The following TAFA1 variants were observed in gnomAD, a reference collection of about 807,000 sequenced individuals.
The protein encoded by TAFA1 is chemokine-like protein TAFA-1.
Under a neutral mutation model 18.5 loss-of-function variants are expected in TAFA1, and 4 were observed. That is an observed-to-expected ratio of 0.22 (90% CI 0.11 to 0.49). The LOEUF is 0.49. TAFA1 is among the 20% of genes least tolerant of loss of function. TAFA1 has a pLI of 0.98. For missense variants in TAFA1, 147 were observed against 169.0 expected, an observed-to-expected ratio of 0.87 and a Z score of 0.72; for synonymous variants, 56 against 55.2, an observed-to-expected ratio of 1.01 and a Z score of -0.06.
intron 2 of TAFA1, among the ~76,000 whole-genome samples, chr3:68,274,897 T>C (rs559227485): frequency 2.2e-4 from 34 of 152,284 alleles, no homozygotes; most frequent in South Asian, 2.1e-3. Flanking sequence ...CAAAGGACAT[T>C]ATTTTCGTCA....
At chr3:68,369,574 C>G (rs570035325) in intron 2 of TAFA1, among the ~76,000 whole-genome samples, 2 of 152,174 alleles carry the variant, frequency 1.3e-5, no homozygotes, top group African/African-American at 2.4e-5. Context: ...AGTCACAGTT[C>G]AAAGATGATA....
rs79190409 is a variant in TAFA1 at position 68,024,860 on chromosome 3, A to G, written c.118+18116A>G. ...TTATACATTGTTAAGGTATTTAACA[A>G]TCATATTTCGGAAATAAAGAGTTGG... On this transcript the variant is annotated intron_variant, in intron 2 of 4. Transcript: ENST00000478136. 7.8e-3 allele frequency among the ~76,000 whole-genome samples: 1,163 copies of G among 150,040 alleles called. 16 individuals are homozygous for G. The highest frequency in any genetic ancestry group is 0.026 in the African/African-American group (1,076 of 40,964).
chr3:68,335,331 AT>A (rs1310643332), intron 2 of TAFA1, among the ~76,000 whole-genome samples: 1 of 152,196 alleles, frequency 6.6e-6, no homozygotes, highest in Non-Finnish European at 1.5e-5. Flanking sequence ...TATCATGTCT[AT>A]TATTTAGTTA....
At chr3:68,082,158 C>T (rs1264752124) in intron 2 of TAFA1, among the ~76,000 whole-genome samples, 1 of 143,466 alleles carries the variant, frequency 7.0e-6, no homozygotes, top group Non-Finnish European at 1.5e-5. Flanking sequence ...GGCAGTGCCT[C>T]ACCCTGCTTC....
chr3:68,483,083 G>T (rs112542655), intron 3 of TAFA1, among the ~76,000 whole-genome samples: 2 of 152,238 alleles, frequency 1.3e-5, no homozygotes, highest in Admixed American at 1.3e-4. Context: ...AAATAAAAAG[G>T]CATGCCCTTG....
At chr3:68,303,197 A>G (rs2068337801) in intron 2 of TAFA1, among the ~76,000 whole-genome samples, 1 of 152,212 alleles carries the variant, frequency 6.6e-6, no homozygotes, top group Non-Finnish European at 1.5e-5. Flanking sequence ...CCAGATTTCC[A>G]TGTTACCCTG....
intron 2 of TAFA1, among the ~76,000 whole-genome samples, chr3:68,238,421 A>G (rs1250024586): frequency 6.6e-6 from 1 of 152,228 alleles, no homozygotes; most frequent in Non-Finnish European, 1.5e-5. Flanking sequence ...CGGCAATGTG[A>G]TGCCAGATGT....
chr3:68,019,176 G>A (rs991880729), intron 2 of TAFA1, among the ~76,000 whole-genome samples: 1 of 152,130 alleles, frequency 6.6e-6, no homozygotes, highest in Admixed American at 6.5e-5. Flanking sequence ...TCTGTTTCTT[G>A]GGCAGTTAGC....
intron 2 of TAFA1, among the ~76,000 whole-genome samples, chr3:68,256,976 T>C (rs992362386): frequency 5.9e-5 from 9 of 152,124 alleles, no homozygotes; most frequent in Admixed American, 3.3e-4. Flanking sequence ...ACACTTGGCA[T>C]CACTCATTAG....
At chr3:68,468,617 G>A (rs1356168363) in intron 3 of TAFA1, among the ~76,000 whole-genome samples, 4 of 152,298 alleles carry the variant, frequency 2.6e-5, no homozygotes, top group African/African-American at 9.6e-5. Context: ...CCTGTCAAGA[G>A]TATAGCCCAA....
chr3:68,002,153 G>C (rs930744202), upstream of TAFA1, among the ~76,000 whole-genome samples: 9 of 152,174 alleles, frequency 5.9e-5, no homozygotes, highest in Non-Finnish European at 1.3e-4. Context: ...TGGCCTCAAA[G>C]ATCAATATAT....
intron 3 of TAFA1, among the ~76,000 whole-genome samples, chr3:68,491,958 A>G (rs62248570): frequency 0.032 from 4,867 of 152,344 alleles, 97 homozygotes; most frequent in Non-Finnish European, 0.052. Flanking sequence ...TCTGTTCTAC[A>G]TCAAACTGTA....
At chr3:68,172,014 AAGAG>A (rs1286615153) in intron 2 of TAFA1, among the ~76,000 whole-genome samples, 1 of 152,144 alleles carries the variant, frequency 6.6e-6, no homozygotes, top group Non-Finnish European at 1.5e-5. Context: ...AGAAGGAGAG[AAGAG>A]AGAGAAAGGG....
intron 2 of TAFA1, among the ~76,000 whole-genome samples, chr3:68,239,948 G>A (rs2066975660): frequency 6.6e-6 from 1 of 152,102 alleles, no homozygotes; most frequent in South Asian, 2.1e-4. Context: ...AGTGTAAAAG[G>A]CTTTCTTATA....
chr3:68,162,547 CT>C lies in TAFA1; in HGVS notation c.118+155804del, dbSNP rs745436880. On this transcript the variant is annotated intron_variant, in intron 2 of 4. Transcript: ENST00000478136. Reference sequence around the variant, plus strand: ...GGGACCCCTGGTCTGGACCACTCTGCTCATTAAGACTATAATTTTTTCTACC... The same window carrying C: ...GGGACCCCTGGTCTGGACCACTCTGCCATTAAGACTATAATTTTTTCTACC... Among the ~76,000 whole-genome samples, 31 of 152,174 alleles carry C rather than the reference CT, an allele frequency of 2.0e-4. 1 individual carries two copies. The highest frequency in any genetic ancestry group is 3.7e-4 in the Non-Finnish European group (25 of 68,034).
intron 2 of TAFA1, among the ~76,000 whole-genome samples, chr3:68,044,129 ACTTCATTCGTT>A (rs1415159216): frequency 6.6e-6 from 1 of 152,108 alleles, no homozygotes; most frequent in Non-Finnish European, 1.5e-5. Context: ...CCTTTCTGTT[ACTTCATTCGTT>A]TGTTCCTTCA....
intron 2 of TAFA1, among the ~76,000 whole-genome samples, chr3:68,359,082 G>T (rs1467469544): frequency 2.0e-5 from 3 of 152,110 alleles, no homozygotes; most frequent in South Asian, 2.1e-4. Context: ...GAGCACTGTT[G>T]TCTACTCTTG....
chr3:68,078,291 A>G (rs1461621153), intron 2 of TAFA1, among the ~76,000 whole-genome samples: 1 of 151,402 alleles, frequency 6.6e-6, no homozygotes, highest in East Asian at 1.9e-4. Flanking sequence ...TCCTAATTGA[A>G]TACCCTTTAT....
intron 2 of TAFA1, among the ~76,000 whole-genome samples, chr3:68,024,020 C>G (rs938611559): frequency 6.6e-6 from 1 of 152,116 alleles, no homozygotes; most frequent in Non-Finnish European, 1.5e-5. Flanking sequence ...AGAATTGCCA[C>G]CTTGGAATAA....
Sources: gnomAD v4.1 joint callset for allele counts (sites outside exome capture counted in the v4.1 genomes callset) on GRCh38, gnomAD v4.1.1 for gene constraint, MANE v1.5 for transcripts, NCBI Gene and HGNC (gene_info 2026-07-23, HGNC 2026-07-21) for gene names.